SFSWAP: variants seen among roughly 807,000 people sequenced by gnomAD.
SFSWAP encodes splicing factor SWAP.
SFSWAP carries 17 observed loss-of-function variants against 100.7 expected under a neutral mutation model. That is an observed-to-expected ratio of 0.17 (90% CI 0.12 to 0.25). SFSWAP has a LOEUF of 0.25. Ranked by LOEUF, SFSWAP falls within the 10% of genes least tolerant of loss-of-function variation. The probability of loss-of-function intolerance (pLI) is 1.00; values close to 1 mark genes in which losing one functional copy is unlikely to be tolerated. For synonymous variants in SFSWAP, 504 were observed against 510.1 expected, an observed-to-expected ratio of 0.99 and a Z score of 0.16; for missense variants, 1,005 against 1,262.6, an observed-to-expected ratio of 0.80 and a Z score of 3.09.
intron 12 of SFSWAP, 73 bp from the exon 13 acceptor site, chr12:131,766,045 A>C: frequency 6.8e-7 from 1 of 1,462,158 alleles, no homozygotes; most frequent in East Asian, 2.3e-5. Context: ...CACTTTTGCA[A>C]CCTGTGAAAA....
At chr12:131,798,650 G>T (rs555328872) in intron 16 of SFSWAP, among the ~76,000 whole-genome samples, 1 of 152,348 alleles carries the variant, frequency 6.6e-6, no homozygotes, top group African/African-American at 2.4e-5. Context: ...AGCACTTTGG[G>T]AGGCCAAGGC....
intron 7 of SFSWAP, among the ~76,000 whole-genome samples, chr12:131,747,087 G>A (rs1474146864): frequency 2.3e-5 from 3 of 127,706 alleles, no homozygotes; most frequent in Non-Finnish European, 4.9e-5. Context: ...CTGGGCAACA[G>A]AGCGAGACTC....
chr12:131,762,200 T>C (rs1882734132), intron 11 of SFSWAP, among the ~76,000 whole-genome samples: 1 of 152,006 alleles, frequency 6.6e-6, no homozygotes, highest in Admixed American at 6.6e-5. Context: ...GCCTTTGCAC[T>C]TCAGCCTGGG....
chr12:131,780,478 C>T (rs1480647327), intron 14 of SFSWAP, among the ~76,000 whole-genome samples: 1 of 152,114 alleles, frequency 6.6e-6, no homozygotes, highest in African/African-American at 2.4e-5. Context: ...ATAGTGAAAA[C>T]CTATCTCTAC....
At position 131,778,174 on chromosome 12, in the gene SFSWAP, A is replaced by C. The variant is rs1884175928; in HGVS notation, c.2252A>C (p.Glu751Ala). Residue 751 changes from glutamate (E) to alanine (A), a missense_variant, in exon 14 of 18, where the codon GAA becomes GCA. Coordinates refer to ENST00000261674, the MANE Select transcript of SFSWAP (RefSeq NM_004592.4). This position sits in a 1 kb window ranked among gnomAD's most constrained non-coding sequence, Gnocchi z 4.2. ...AGCAAAAGCAAAGATCCACCGAGAG[A>C]AGAAGAGAAAGAAAAGAAAAAGAAA... ...PSSKSKDPPR[E>A]EEKEKKKKKH... 1 of 1,613,586 alleles carries C rather than the reference A, an allele frequency of 6.2e-7. No individual in the cohort carries two copies. Among genetic ancestry groups the C allele is most frequent in the Non-Finnish European group, 8.5e-7 (1 of 1,179,988 alleles).
At chr12:131,735,366 C>G (rs1156902591) in intron 7 of SFSWAP, among the ~76,000 whole-genome samples, 2 of 152,138 alleles carry the variant, frequency 1.3e-5, no homozygotes, top group Non-Finnish European at 2.9e-5. Flanking sequence ...CCATTTGTAC[C>G]ATTAGGGTAT....
intron 15 of SFSWAP, among the ~76,000 whole-genome samples, chr12:131,788,692 GC>G (rs1278630850): frequency 6.6e-6 from 1 of 151,562 alleles, no homozygotes; most frequent in Non-Finnish European, 1.5e-5. Context: ...TGCCTGGCTG[GC>G]TGCTCTCAAG....
chr12:131,798,077 A>G (rs531512000), intron 16 of SFSWAP, among the ~76,000 whole-genome samples: 1 of 152,322 alleles, frequency 6.6e-6, no homozygotes, highest in Admixed American at 6.5e-5. Context: ...GCCGTGGCTC[A>G]TACCTGTAAT....
rs1879419442 is a variant in SFSWAP at position 131,730,748 on chromosome 12, T to TACC, written c.1081+2327_1081+2329dup. On this transcript the variant is annotated intron_variant, in intron 7 of 17. Transcript: ENST00000261674. The surrounding 1 kb of genome is among the most constrained non-coding windows in gnomAD (Gnocchi z 4.0). ...AGCTTACTCTGTTCAGGCCCCTGAC[T>TACC]ACCACCACCCTGGGCACTGACGGCA... 6.6e-6 allele frequency among the ~76,000 whole-genome samples: 1 copy of TACC among 152,116 alleles called. No individual in the cohort carries two copies. The highest frequency in any genetic ancestry group is 6.5e-5 in the Admixed American group (1 of 15,274).
intron 15 of SFSWAP, among the ~76,000 whole-genome samples, chr12:131,790,731 A>G (rs1187576025): frequency 6.6e-6 from 1 of 152,238 alleles, no homozygotes; most frequent in African/African-American, 2.4e-5. Flanking sequence ...AGTACTTAAC[A>G]CTGCACGAGG....
intron 4 of SFSWAP, among the ~76,000 whole-genome samples, chr12:131,722,002 G>C (rs551572864): frequency 1.3e-5 from 2 of 152,294 alleles, no homozygotes; most frequent in South Asian, 4.1e-4. Context: ...CATGTTAGTG[G>C]AGAAAATGTA....
intron 9 of SFSWAP, 124 bp downstream of exon 9, chr12:131,754,623 ATGTC>A: frequency 1.1e-5 from 3 of 273,280 alleles, no homozygotes; most frequent in Non-Finnish European, 1.9e-5. Context: ...CTTGGCTCAA[ATGTC>A]TTTTTTTTTT....
At chr12:131,728,242 C>A (rs938190338) in intron 6 of SFSWAP, 51 bp from the exon 7 acceptor site, 3 of 1,606,578 alleles carry the variant, frequency 1.9e-6, no homozygotes, top group Admixed American at 3.3e-5. Flanking sequence ...CAGAAGAGTT[C>A]TGCATGGTTC....
At chr12:131,780,549 G>A (rs950590365) in intron 14 of SFSWAP, among the ~76,000 whole-genome samples, 1 of 152,186 alleles carries the variant, frequency 6.6e-6, no homozygotes, top group East Asian at 1.9e-4. Context: ...CTGAGCTCAA[G>A]CGTAGAGTCT....
rs1381088583 is a variant in SFSWAP, at chr12:131,786,497, T to C, written c.2443T>C (p.Ser815Pro). The change falls in exon 15 of 18, where the codon TCC becomes CCC. Residue 815 changes from serine (S) to proline (P), a missense_variant. This residue lies in a region of SFSWAP where 295 missense variants were observed against 347.9 expected (regional missense o/e 0.85). Transcript: ENST00000261674. ...RSRSPRRRAH[S>P]PERRREERSV... ...CCGGTCCCCTCGGAGGAGAGCCCAC[T>C]CCCCTGAGAGACGGAGGGAAGAGAG... 1 of 1,586,166 alleles carries C rather than the reference T, an allele frequency of 6.3e-7. No individual in the cohort carries two copies. The highest frequency in any genetic ancestry group is 1.3e-5 in the African/African-American group (1 of 74,544).
At chr12:131,760,987 G>A (rs141781138) in intron 11 of SFSWAP, among the ~76,000 whole-genome samples, 158 of 152,260 alleles carry the variant, frequency 1.0e-3, no homozygotes, top group African/African-American at 3.4e-3. Flanking sequence ...CAGGAGAATC[G>A]CTTGAAACTG....
At chr12:131,735,995 C>A (rs1203076689) in intron 7 of SFSWAP, among the ~76,000 whole-genome samples, 2 of 152,226 alleles carry the variant, frequency 1.3e-5, no homozygotes, top group African/African-American at 4.8e-5. Context: ...AAGGCCCAGG[C>A]TTCTGAAGAG....
chr12:131,776,115 T>C (rs1033957869), intron 13 of SFSWAP, among the ~76,000 whole-genome samples: 1 of 151,984 alleles, frequency 6.6e-6, no homozygotes, highest in African/African-American at 2.4e-5. Flanking sequence ...CAAACAAAAA[T>C]AATAAAATAT....
intron 9 of SFSWAP, 128 bp downstream of exon 9, chr12:131,754,627 C>CTTTTTTTTTTTTTT (rs869226840): frequency 7.5e-5 from 6 of 79,856 alleles, no homozygotes; most frequent in East Asian, 4.8e-4. Context: ...GCTCAAATGT[C>CTTTTTTTTTTTTTT]TTTTTTTTTT....
Sources: gnomAD v4.1 joint callset for allele counts (sites outside exome capture counted in the v4.1 genomes callset) on GRCh38, gnomAD v4.1.1 for gene constraint, gnomAD v4.1.1 regional missense constraint, Gnocchi (gnomAD v3.1) non-coding constraint, MANE v1.5 for transcripts, NCBI Gene and HGNC (gene_info 2026-07-23, HGNC 2026-07-21) for gene names.